Variants in TBC1D1 observed in about 807,000 individuals in gnomAD.
The protein encoded by TBC1D1 is TBC1 domain family member 1, also known as TBC1 (tre-2/USP6, BUB2, cdc16) domain family, member 1.
In TBC1D1, 89 loss-of-function variants were observed where a neutral mutation model predicts 125.6. That is an observed-to-expected ratio of 0.71 (90% CI 0.60 to 0.85). The LOEUF (loss-of-function observed/expected upper bound fraction) is 0.85, where lower values mean the gene tolerates loss of function less well. Among genes scored for constraint, TBC1D1 ranks in the 40% least tolerant of loss-of-function variants. The probability of loss-of-function intolerance (pLI) is 0.00; values close to 1 mark genes in which losing one functional copy is unlikely to be tolerated. For missense variants in TBC1D1, 1,377 were observed against 1,469.2 expected, an observed-to-expected ratio of 0.94 and a Z score of 1.03; for synonymous variants, 565 against 564.1, an observed-to-expected ratio of 1.00 and a Z score of -0.02.
At position 38,097,533 on chromosome 4, in the gene TBC1D1, G is replaced by A. The variant is rs538449799; in HGVS notation, c.2398+1443G>A. On this transcript the variant is annotated intron_variant, in intron 14 of 19. Transcript: ENST00000261439. ...TTTTTTTTGTATTTTTAGTAGAGATGGGGTTTCACTATGTTAGCCAGGATG... is the reference window on the plus strand; with the variant it reads ...TTTTTTTTGTATTTTTAGTAGAGATAGGGTTTCACTATGTTAGCCAGGATG... Among the ~76,000 whole-genome samples, 4 of 152,134 alleles carry A rather than the reference G, an allele frequency of 2.6e-5. No homozygotes were observed. The East Asian group carries it at 7.8e-4, about 29-fold the overall frequency.
intron 2 of TBC1D1, among the ~76,000 whole-genome samples, chr4:37,965,143 G>C (rs1730831063): frequency 6.6e-6 from 1 of 152,232 alleles, no homozygotes; most frequent in African/African-American, 2.4e-5. Flanking sequence ...CCTTGCAGCA[G>C]GGTTTTAACA....
At chr4:37,960,570 T>G in intron 2 of TBC1D1, 1 of 1,614,160 alleles carries the variant, frequency 6.2e-7, no homozygotes, top group Non-Finnish European at 8.5e-7. Flanking sequence ...AACACGACGT[T>G]TTGGCAAAAC....
intron 15 of TBC1D1, among the ~76,000 whole-genome samples, chr4:38,111,409 CAATT>C (rs536692623): frequency 2.0e-5 from 3 of 152,176 alleles, no homozygotes; most frequent in Admixed American, 6.5e-5. Flanking sequence ...ACTATATTAC[CAATT>C]AATTAAAACT....
rs1367890987 is a variant in TBC1D1 at position 38,115,845 on chromosome 4, G to C, written c.2693G>C (p.Gly898Ala). The change falls in exon 16 of 20, where the codon GGC (glycine) becomes GCC (alanine). Residue 898 changes from glycine (G) to alanine (A), a missense_variant. Gly to Ala is a moderately conservative substitution (Grantham distance 60). Around this residue, in one of 3 missense-constraint regions of TBC1D1, gnomAD observed 543 missense variants for 613.5 expected, o/e 0.89. Transcript: ENST00000261439. The stretch of plus-strand genomic sequence containing the variant: ...TGCCAAGGTCTCAGCTTTGTAGCAG[G>C]CATTTTGCTTCTTCATATGAGTGAG... The C allele has an allele frequency of 4.3e-6, 7 of 1,614,002 alleles. No homozygotes were observed. Among genetic ancestry groups the C allele is most frequent in the African/African-American group, 1.3e-5 (1 of 74,886 alleles).
At chr4:38,026,496 G>T (rs879857010) in intron 6 of TBC1D1, among the ~76,000 whole-genome samples, 1 of 152,226 alleles carries the variant, frequency 6.6e-6, no homozygotes, top group Non-Finnish European at 1.5e-5. Flanking sequence ...CCTGCCATCC[G>T]TAGTGATGTA....
At chr4:37,892,258 CT>C (rs1713497928) in intron 1 of TBC1D1, among the ~76,000 whole-genome samples, 1 of 152,088 alleles carries the variant, frequency 6.6e-6, no homozygotes, top group South Asian at 2.1e-4. Context: ...AACTTCTAAA[CT>C]TTTTCAATGA....
At chr4:37,959,211 C>A (rs1450609207) in intron 2 of TBC1D1, among the ~76,000 whole-genome samples, 1 of 152,182 alleles carries the variant, frequency 6.6e-6, no homozygotes, top group Non-Finnish European at 1.5e-5. Context: ...CACCTATAAC[C>A]TTTGACTCCC....
chr4:38,121,873 C>T (rs139390135), intron 17 of TBC1D1, among the ~76,000 whole-genome samples: 50 of 152,208 alleles, frequency 3.3e-4, no homozygotes, highest in African/African-American at 1.1e-3. Flanking sequence ...AGCCAAAAAA[C>T]GGTACAAATG....
intron 2 of TBC1D1, among the ~76,000 whole-genome samples, chr4:37,999,070 G>A (rs2152402008): frequency 6.6e-6 from 1 of 152,186 alleles, no homozygotes; most frequent in South Asian, 2.1e-4. Context: ...CCAACACGGT[G>A]AACCCCTGTT....
intron 4 of TBC1D1, among the ~76,000 whole-genome samples, chr4:38,020,071 C>G (rs555409742): frequency 2.2e-4 from 34 of 152,136 alleles, no homozygotes; most frequent in Middle Eastern, 3.4e-3. Flanking sequence ...TCTTATTTTT[C>G]TTATTGTTGT....
intron 2 of TBC1D1, among the ~76,000 whole-genome samples, chr4:37,974,945 T>C: frequency 6.6e-6 from 1 of 152,194 alleles, no homozygotes; most frequent in Admixed American, 6.5e-5. Context: ...TCATCCCCTG[T>C]AGGGTCTAGC....
At chr4:38,039,949 T>C (rs1300322033) in intron 8 of TBC1D1, among the ~76,000 whole-genome samples, 5 of 149,196 alleles carry the variant, frequency 3.4e-5, no homozygotes, top group Non-Finnish European at 5.9e-5. Context: ...CCCCCATCTC[T>C]GTTTTTTTTT....
At chr4:38,076,485 A>G (rs2152518640) in intron 12 of TBC1D1, among the ~76,000 whole-genome samples, 1 of 152,252 alleles carries the variant, frequency 6.6e-6, no homozygotes, top group South Asian at 2.1e-4. Context: ...CCGTCTTCTG[A>G]GCCCTATTCC....
At chr4:38,026,820 T>C (rs1354913546) in intron 6 of TBC1D1, among the ~76,000 whole-genome samples, 1 of 152,234 alleles carries the variant, frequency 6.6e-6, no homozygotes, top group Non-Finnish European at 1.5e-5. Context: ...GTAATGACTT[T>C]ATTTTTATAA....
At chr4:37,978,228 T>C (rs1393582746) in intron 2 of TBC1D1, among the ~76,000 whole-genome samples, 1 of 152,188 alleles carries the variant, frequency 6.6e-6, no homozygotes, top group Non-Finnish European at 1.5e-5. Context: ...AACACAGTAA[T>C]AGCATCAATA....
chr4:38,093,285 G>A (rs1758734642), intron 13 of TBC1D1, among the ~76,000 whole-genome samples: 2 of 152,242 alleles, frequency 1.3e-5, no homozygotes, highest in South Asian at 2.1e-4. Context: ...GGTTAAGCCT[G>A]TTTCCTGACT....
chr4:37,997,913 G>T (rs1200669311), intron 2 of TBC1D1, among the ~76,000 whole-genome samples: 1 of 152,074 alleles, frequency 6.6e-6, no homozygotes, highest in Admixed American at 6.6e-5. Flanking sequence ...TTTGTTCAGG[G>T]ATAAGATGTC....
chr4:38,052,132 GA>G, intron 11 of TBC1D1, 72 bp downstream of exon 12: 1 of 1,455,100 alleles, frequency 6.9e-7, no homozygotes, highest in Non-Finnish European at 9.4e-7. Context: ...AGGATGTGCT[GA>G]ATGGGGGGAA....
chr4:38,110,881 C>T (rs1449503770), intron 15 of TBC1D1: 1 of 923,914 alleles, frequency 1.1e-6, no homozygotes, highest in African/African-American at 1.8e-5. Flanking sequence ...GCATGCTTCT[C>T]CTATGGGGTG....
Sources: gnomAD v4.1 joint callset for allele counts (sites outside exome capture counted in the v4.1 genomes callset) on GRCh38, gnomAD v4.1.1 for gene constraint, gnomAD v4.1.1 regional missense constraint, MANE v1.5 for transcripts, NCBI Gene and HGNC (gene_info 2026-07-23, HGNC 2026-07-21) for gene names.